ASIC2: variants seen among roughly 807,000 people sequenced by gnomAD.
ASIC2 encodes acid-sensing ion channel 2.
Under a neutral mutation model 57.3 loss-of-function variants are expected in ASIC2, and 25 were observed. That is an observed-to-expected ratio of 0.44 (90% CI 0.32 to 0.61). The LOEUF is 0.61. Among genes scored for constraint, ASIC2 ranks in the 20% least tolerant of loss-of-function variants. The pLI is 0.06. For missense variants in ASIC2, 641 were observed against 738.1 expected, an observed-to-expected ratio of 0.87 and a Z score of 1.52; for synonymous variants, 319 against 307.5, an observed-to-expected ratio of 1.04 and a Z score of -0.39.
chr17:33,360,793 G>A (rs954543854), intron 1 of ASIC2, among the ~76,000 whole-genome samples: 4 of 152,148 alleles, frequency 2.6e-5, no homozygotes, highest in Admixed American at 6.5e-5. Context: ...TTTCTCTAGA[G>A]TATTAATATA....
At chr17:33,842,604 A>G (rs1391285490) in intron 1 of ASIC2, among the ~76,000 whole-genome samples, 1 of 152,338 alleles carries the variant, frequency 6.6e-6, no homozygotes, top group Admixed American at 6.5e-5. Context: ...CAAAGTTGAT[A>G]CATACATGAA....
chr17:33,316,050 G>C (rs1906632023), intron 1 of ASIC2, among the ~76,000 whole-genome samples: 1 of 152,176 alleles, frequency 6.6e-6, no homozygotes, highest in African/African-American at 2.4e-5. Flanking sequence ...CTTGGAGCCT[G>C]GTACAAAGTA....
chr17:33,585,237 G>A (rs1408157111), intron 1 of ASIC2, among the ~76,000 whole-genome samples: 1 of 152,138 alleles, frequency 6.6e-6, no homozygotes, highest in Admixed American at 6.5e-5. Context: ...CAAGAGCCAG[G>A]CAGGCCACGT....
intron 1 of ASIC2, among the ~76,000 whole-genome samples, chr17:33,886,801 C>T (rs911662680): frequency 2.5e-4 from 38 of 151,982 alleles, no homozygotes; most frequent in Non-Finnish European, 1.3e-4. Context: ...GCAGTATTGG[C>T]ATCATGGGCT....
At chr17:33,910,644 G>GC (rs1295088610) in intron 1 of ASIC2, among the ~76,000 whole-genome samples, 2 of 152,138 alleles carry the variant, frequency 1.3e-5, no homozygotes, top group Admixed American at 1.3e-4. Flanking sequence ...CAGATCTGGT[G>GC]CATTCATCAC....
chr17:34,008,634 C>CA (rs1906610001), intron 1 of ASIC2, among the ~76,000 whole-genome samples: 1 of 152,070 alleles, frequency 6.6e-6, no homozygotes, highest in Non-Finnish European at 1.5e-5. Flanking sequence ...AGGAGTCATA[C>CA]ATATCTAGGA....
intron 1 of ASIC2, among the ~76,000 whole-genome samples, chr17:33,996,103 T>C (rs1002336462): frequency 6.6e-6 from 1 of 152,232 alleles, no homozygotes; most frequent in African/African-American, 2.4e-5. Flanking sequence ...TGATTAGTGA[T>C]GTTGAACATT....
At chr17:33,399,897 A>G (rs1910220057) in intron 1 of ASIC2, among the ~76,000 whole-genome samples, 1 of 152,148 alleles carries the variant, frequency 6.6e-6, no homozygotes, top group African/African-American at 2.4e-5. Context: ...TTCTTTGGGG[A>G]ATAGAAAAGT....
At chr17:33,885,269 A>G (rs550094052) in intron 1 of ASIC2, among the ~76,000 whole-genome samples, 91 of 152,306 alleles carry the variant, frequency 6.0e-4, no homozygotes, top group Non-Finnish European at 1.0e-3. Flanking sequence ...CTCAAAGTCT[A>G]TACTTTTCTC....
intron 1 of ASIC2, among the ~76,000 whole-genome samples, chr17:33,703,809 A>T (rs113056845): frequency 0.021 from 3,251 of 152,220 alleles, 96 homozygotes; most frequent in African/African-American, 0.075. Context: ...CTAGGTGTAC[A>T]TGATTGTTAG....
chr17:33,036,590 C>T (rs1391440839), intron 3 of ASIC2, among the ~76,000 whole-genome samples: 1 of 128,324 alleles, frequency 7.8e-6, no homozygotes, highest in Admixed American at 8.7e-5. Context: ...GCCACCACAG[C>T]CAGCTAATTT....
At chr17:33,823,876 C>G (rs961607803) in intron 1 of ASIC2, among the ~76,000 whole-genome samples, 6 of 152,176 alleles carry the variant, frequency 3.9e-5, no homozygotes, top group East Asian at 1.9e-4. Flanking sequence ...TATTTGGTGT[C>G]TGATCTGTTG....
intron 1 of ASIC2, among the ~76,000 whole-genome samples, chr17:33,648,209 C>T (rs1223521447): frequency 2.0e-5 from 3 of 152,176 alleles, no homozygotes; most frequent in Non-Finnish European, 4.4e-5. Flanking sequence ...AGGGACCACA[C>T]TTAAGAACTA....
At chr17:33,157,637 G>A (rs894440360) in intron 1 of ASIC2, among the ~76,000 whole-genome samples, 2 of 152,086 alleles carry the variant, frequency 1.3e-5, no homozygotes, top group Admixed American at 6.6e-5. Context: ...CTGTCTTTAT[G>A]ACATATCAAG....
intron 1 of ASIC2, among the ~76,000 whole-genome samples, chr17:33,379,628 G>C (rs1001275285): frequency 1.3e-5 from 2 of 152,172 alleles, no homozygotes; most frequent in Non-Finnish European, 2.9e-5. Context: ...ATATGATGCA[G>C]GCAATAGACC....
chr17:33,479,289 A>T (rs1478872923), intron 1 of ASIC2, among the ~76,000 whole-genome samples: 1 of 152,070 alleles, frequency 6.6e-6, no homozygotes, highest in East Asian at 1.9e-4. Context: ...ATGAGCCACC[A>T]CGTCCGGCCC....
chr17:33,516,872 C>T (rs1304860679), intron 1 of ASIC2, among the ~76,000 whole-genome samples: 1 of 152,228 alleles, frequency 6.6e-6, no homozygotes, highest in South Asian at 2.1e-4. Context: ...TCCTGTCTGT[C>T]TTTTTCAATA....
In ASIC2 at chr17:33,864,735, C is replaced by T. The variant is rs1914188057; in HGVS notation, c.555+291243G>A. Among the ~76,000 whole-genome samples the T allele has an allele frequency of 2.0e-5, 3 of 152,046 alleles. No homozygotes were observed. In the South Asian group the frequency reaches 6.2e-4, roughly 32 times the overall value. ...CTGGCTACTCATTGGCTAAGCAGAG[C>T]TCAGGGAGAAACAGATCATTGGAAG... is the stretch of plus-strand genomic sequence containing the variant. On this transcript the variant is annotated intron_variant, in intron 1 of 9. Coordinates refer to the ASIC2 transcript ENST00000359872.
intron 1 of ASIC2, among the ~76,000 whole-genome samples, chr17:34,132,961 C>A (rs1912034130): frequency 6.6e-6 from 1 of 152,192 alleles, no homozygotes; most frequent in African/African-American, 2.4e-5. Flanking sequence ...CAATCTAACC[C>A]ATCGCGGCCT....
Sources: gnomAD v4.1 joint callset for allele counts (sites outside exome capture counted in the v4.1 genomes callset) on GRCh38, gnomAD v4.1.1 for gene constraint, MANE v1.5 for transcripts, NCBI Gene and HGNC (gene_info 2026-07-23, HGNC 2026-07-21) for gene names.